PRR5: variants seen among roughly 807,000 people sequenced by gnomAD.
PRR5 encodes proline-rich protein 5.
PRR5 carries 25 observed loss-of-function variants against 30.6 expected under a neutral mutation model. That is an observed-to-expected ratio of 0.82 (90% CI 0.60 to 1.14). PRR5 has a LOEUF of 1.14. Among genes scored for constraint, PRR5 ranks in the 50% most tolerant of loss-of-function variants. The probability of loss-of-function intolerance (pLI) is 0.00; values close to 1 mark genes in which losing one functional copy is unlikely to be tolerated. For missense variants in PRR5, 600 were observed against 547.1 expected (o/e 1.10, Z -0.96); for synonymous variants, 286 against 247.1 (o/e 1.16, Z -1.48).
intron 7 of PRR5, among the ~76,000 whole-genome samples, chr22:44,736,356 C>T (rs1923251277): frequency 6.6e-6 from 1 of 152,244 alleles, no homozygotes; most frequent in South Asian, 2.1e-4. Flanking sequence ...TCTTGGCCCT[C>T]CCACCATCCC....
At chr22:44,684,000 C>A (rs776500182) in intron 1 of PRR5, among the ~76,000 whole-genome samples, 1 of 152,242 alleles carries the variant, frequency 6.6e-6, no homozygotes, top group Non-Finnish European at 1.5e-5. Context: ...GCTTTGACTG[C>A]AGCGACAGGT....
At chr22:44,688,291 GGA>G (rs1219451498) in intron 1 of PRR5, among the ~76,000 whole-genome samples, 3 of 152,188 alleles carry the variant, frequency 2.0e-5, no homozygotes, top group Non-Finnish European at 4.4e-5. Context: ...GGCTGAGGCA[GGA>G]GAATCGCTTG....
intron 1 of PRR5, among the ~76,000 whole-genome samples, chr22:44,692,544 C>T (rs1032369603): frequency 2.0e-5 from 3 of 148,916 alleles, no homozygotes; most frequent in Non-Finnish European, 3.0e-5. Context: ...CCCGGGGGCT[C>T]CTCCACCTGG....
intron 6 of PRR5, among the ~76,000 whole-genome samples, chr22:44,733,331 G>T (rs1454894757): frequency 6.6e-6 from 1 of 152,252 alleles, no homozygotes; most frequent in East Asian, 1.9e-4. Context: ...ACAGGTAGGG[G>T]ACCCAAGTCC....
chr22:44,737,365 T>C lies in PRR5; in HGVS notation c.*118T>C. On this transcript the variant is annotated 3_prime_UTR_variant, in exon 8 of 8. Transcript: ENST00000336985. ...TCCCGTCCCGCCAGCCCTATCGGCCTCGTCACTGGCCTTGGTCACTTTGTA... is the reference window on the plus strand; with the variant it reads ...TCCCGTCCCGCCAGCCCTATCGGCCCCGTCACTGGCCTTGGTCACTTTGTA... The C allele has an allele frequency of 7.0e-7, 1 of 1,433,056 alleles. No individual in the cohort carries two copies. Among genetic ancestry groups the C allele is most frequent in the Non-Finnish European group, 9.2e-7 (1 of 1,091,652 alleles). The allele number at this position is 1,433,056 out of a possible 1,614,324, so 88.8% of individuals were successfully genotyped here.
Position 44,732,399 on chromosome 22 carries a change from CAGTGGGCAG to C in PRR5, c.555+11_555+19del, listed in dbSNP as rs763189175. On this transcript the variant is annotated intron_variant, in intron 6 of 7. Transcript: ENST00000336985. ...ATGCTGCTGGTGCTGCAGGTGGGCA[CAGTGGGCAG>C]AGGGTCGGGCATGGGGACCGTGGGG... The C allele has an allele frequency of 2.1e-4, 342 of 1,604,512 alleles. No homozygotes were observed. Among genetic ancestry groups the C allele is most frequent in the Admixed American group, 6.0e-4 (36 of 59,900 alleles).
At chr22:44,682,148 A>G (rs538627907) in intron 1 of PRR5, among the ~76,000 whole-genome samples, 2 of 152,326 alleles carry the variant, frequency 1.3e-5, no homozygotes, top group South Asian at 4.1e-4. Flanking sequence ...GGAGGCCTGC[A>G]TGCTAGGGTC....
intron 7 of PRR5, among the ~76,000 whole-genome samples, 194 bp from the exon 8 acceptor site, chr22:44,736,578 G>C (rs1602110203): frequency 1.3e-5 from 2 of 152,086 alleles, no homozygotes; most frequent in African/African-American, 4.8e-5. Context: ...GCTGGGCCTA[G>C]GCTGGAGAAG....
intron 1 of PRR5, among the ~76,000 whole-genome samples, chr22:44,711,920 T>C (rs1602025258): frequency 6.6e-6 from 1 of 151,974 alleles, no homozygotes; most frequent in African/African-American, 2.4e-5. Context: ...GATTGTAGGG[T>C]GGTTGCCGTT....
intron 2 of PRR5, among the ~76,000 whole-genome samples, chr22:44,719,032 G>A (rs768042462): frequency 1.3e-5 from 2 of 151,188 alleles, no homozygotes; most frequent in South Asian, 2.1e-4. Flanking sequence ...TCTTGATCCC[G>A]TCCTTTGATC....
chr22:44,698,793 C>T, upstream of PRR5, among the ~76,000 whole-genome samples: 1 of 152,236 alleles, frequency 6.6e-6, no homozygotes, highest in East Asian at 1.9e-4. Context: ...GGTTTATTTT[C>T]CTCCGACGCT....
intron 4 of PRR5, chr22:44,729,903 C>T (rs1414934153): frequency 8.1e-6 from 8 of 985,380 alleles, no homozygotes; most frequent in African/African-American, 5.2e-5. Flanking sequence ...TTCTTCCTGC[C>T]GCGGCGGAGG....
At chr22:44,698,186 C>T (rs982904273), upstream of PRR5, among the ~76,000 whole-genome samples, 1 of 152,162 alleles carries the variant, frequency 6.6e-6, no homozygotes, top group Non-Finnish European at 1.5e-5. Context: ...TGCCGACACC[C>T]CACTGGCCAG....
chr22:44,714,579 C>T lies in PRR5; in HGVS notation c.135-12C>T, dbSNP rs748474491. 4 of 1,612,360 alleles carry T rather than the reference C, an allele frequency of 2.5e-6. No individual in the cohort carries two copies. The highest frequency in any genetic ancestry group is 2.2e-5 in the East Asian group (1 of 44,892). ...CCTCAGGACTGCAGTGTTTTCTTCC[C>T]TCTGCCCCCAGCATCCACAACGGGG... is the stretch of plus-strand genomic sequence containing the variant. On this transcript the variant is annotated splice_polypyrimidine_tract_variant and intron_variant, in intron 1 of 7. Coordinates refer to ENST00000336985, the MANE Select transcript of PRR5 (RefSeq NM_181333.4).
upstream of PRR5, among the ~76,000 whole-genome samples, chr22:44,698,143 C>T (rs114619178): frequency 5.4e-4 from 82 of 152,252 alleles, no homozygotes; most frequent in African/African-American, 1.8e-3. Flanking sequence ...ATATCAGGGT[C>T]CCCCTTGGTG....
intron 1 of PRR5, 66 bp from the exon 2 acceptor site, chr22:44,714,525 G>A: frequency 1.9e-6 from 3 of 1,591,752 alleles, no homozygotes; most frequent in Admixed American, 1.7e-5. Context: ...GAGGAATGGG[G>A]CCTGATGGGC....
intron 1 of PRR5, among the ~76,000 whole-genome samples, chr22:44,678,104 G>T (rs986678307): frequency 5.3e-5 from 8 of 152,238 alleles, no homozygotes; most frequent in African/African-American, 1.9e-4. Context: ...AGAGGGAGCG[G>T]GCTGCATGCG....
At chr22:44,673,765 G>A (rs1923555672), upstream of PRR5, among the ~76,000 whole-genome samples, 1 of 152,180 alleles carries the variant, frequency 6.6e-6, no homozygotes, top group Non-Finnish European at 1.5e-5. Flanking sequence ...AGAAGATCCT[G>A]AGCGTGGCTT....
rs1921540473 is a variant in PRR5, at chr22:44,729,592, A to G, written c.323-2138A>G. ...TCACGCCCCTTTCATAGAGGATGCC[A>G]CTGAGTCCGCCTGGAGGAACTTCCT... On this transcript the variant is annotated intron_variant, in intron 4 of 7. Transcript: ENST00000336985. 6 of 985,304 alleles carry G rather than the reference A, an allele frequency of 6.1e-6. No individual in the cohort carries two copies. The South Asian group carries it at 1.9e-4, about 31-fold the overall frequency. The allele number at this position is 985,304 out of a possible 1,614,324, so 61.0% of individuals were successfully genotyped here.
Sources: allele counts gnomAD v4.1 joint callset (sites outside exome capture counted in the v4.1 genomes callset), GRCh38; gene constraint gnomAD v4.1.1; transcripts MANE v1.5; gene names NCBI Gene and HGNC (gene_info 2026-07-23, HGNC 2026-07-21).